CASC3: variants seen among roughly 807,000 people sequenced by gnomAD.
CASC3 encodes the protein protein CASC3.
CASC3 carries 30 observed loss-of-function variants against 80.5 expected under a neutral mutation model. The observed-to-expected ratio is 0.37, with a 90% confidence interval of 0.28 to 0.51. The LOEUF (loss-of-function observed/expected upper bound fraction) is 0.51. CASC3 is among the 20% of genes least tolerant of loss of function. CASC3 has a pLI of 0.94. For missense variants in CASC3, 824 were observed against 922.2 expected, an observed-to-expected ratio of 0.89 and a Z score of 1.38; for synonymous variants, 312 against 333.6, an observed-to-expected ratio of 0.94 and a Z score of 0.70.
intron 3 of CASC3, among the ~76,000 whole-genome samples, chr17:40,144,488 G>A (rs1434002640): frequency 6.6e-6 from 1 of 150,754 alleles, no homozygotes; most frequent in Non-Finnish European, 1.5e-5. Context: ...GGGATTACAG[G>A]TGCACACCAC....
chr17:40,170,812 C>T lies in CASC3; in HGVS notation c.*407C>T, dbSNP rs919651855. The T allele has an allele frequency of 3.0e-6, 3 of 984,916 alleles. No homozygotes were observed. Among genetic ancestry groups the T allele is most frequent in the African/African-American group, 1.7e-5 (1 of 57,320 alleles). 61.0% of individuals were successfully genotyped at this position (984,916 alleles called of 1,614,324 possible). On this transcript the variant is annotated 3_prime_UTR_variant, in exon 14 of 14. Coordinates refer to ENST00000264645, the MANE Select transcript of CASC3 (RefSeq NM_007359.5). ...TAAGATGTTCATTTTTAAAGCCTGG[C>T]TTCTTATCCTTAATATTATTTTAAT... is the stretch of plus-strand genomic sequence containing the variant.
rs1598424670 is a variant in CASC3 at position 40,153,580 on chromosome 17, T to C, written c.298-8173T>C. On this transcript the variant is annotated intron_variant, in intron 3 of 13. Coordinates refer to ENST00000264645, the MANE Select transcript of CASC3 (RefSeq NM_007359.5). Reference sequence around the variant, plus strand: ...ATTTGAGGAACTAGAACCGCCATACTGTTTCCAAGGTGCTGCACCATTTTA... The same window carrying C: ...ATTTGAGGAACTAGAACCGCCATACCGTTTCCAAGGTGCTGCACCATTTTA... Among the ~76,000 whole-genome samples the C allele has an allele frequency of 2.0e-5, 3 of 152,190 alleles. No homozygotes were observed. In the East Asian group the frequency reaches 5.8e-4, roughly 29 times the overall value.
chr17:40,167,757 A>G (rs1989488488), intron 9 of CASC3, 93 bp from the exon 10 acceptor site: 2 of 1,327,138 alleles, frequency 1.5e-6, no homozygotes, highest in Non-Finnish European at 2.2e-6. Context: ...CGCATGGAAT[A>G]TTGAGAACAT....
intron 3 of CASC3, among the ~76,000 whole-genome samples, chr17:40,144,080 A>T (rs1283327060): frequency 6.6e-6 from 1 of 151,378 alleles, no homozygotes; most frequent in East Asian, 2.0e-4. Context: ...GGCGAAACCC[A>T]TTTTCAGTCT....
rs948287641 is a variant in CASC3 at position 40,144,049 on chromosome 17, C to G, written c.297+2442C>G. 5.9e-5 allele frequency among the ~76,000 whole-genome samples: 9 copies of G among 151,706 alleles called. No individual in the cohort carries two copies. In the South Asian group the frequency reaches 1.9e-3, roughly 32 times the overall value. On this transcript the variant is annotated intron_variant, in intron 3 of 13. Coordinates refer to ENST00000264645, the MANE Select transcript of CASC3 (RefSeq NM_007359.5). ...GGTGAATCACCTGCGGTCAGGAGTTCGAGACTAGCCTGGCCAACATGGCGA... is the reference window on the plus strand; with the variant it reads ...GGTGAATCACCTGCGGTCAGGAGTTGGAGACTAGCCTGGCCAACATGGCGA...
chr17:40,152,316 G>A (rs1387373553), intron 3 of CASC3, among the ~76,000 whole-genome samples: 5 of 151,078 alleles, frequency 3.3e-5, no homozygotes, highest in Non-Finnish European at 7.4e-5. Flanking sequence ...TTATTTATTT[G>A]TTTTTATTTT....
In CASC3 at chr17:40,171,213, T is replaced by C; in HGVS notation, c.*808T>C. ...ACTATGATGGGCTTCTGTTCTCTGCTGAGGGCCAATACCCTACTGTGGGGA... is the reference window on the plus strand; with the variant it reads ...ACTATGATGGGCTTCTGTTCTCTGCCGAGGGCCAATACCCTACTGTGGGGA... On this transcript the variant is annotated 3_prime_UTR_variant, in exon 14 of 14. Transcript: ENST00000264645. 6 of 985,986 alleles carry C rather than the reference T, an allele frequency of 6.1e-6. No homozygotes were observed. The highest frequency in any genetic ancestry group is 1.7e-5 in the African/African-American group (1 of 57,356). 61.1% of individuals were successfully genotyped at this position (985,986 alleles called of 1,614,324 possible).
intron 13 of CASC3, among the ~76,000 whole-genome samples, chr17:40,170,137 T>C (rs1228439790): frequency 1.3e-5 from 2 of 151,060 alleles, no homozygotes; most frequent in Non-Finnish European, 3.0e-5. Flanking sequence ...AGTTTGTTTG[T>C]TTGGCAAGTG....
At chr17:40,164,978 T>C (rs1469819172) in intron 7 of CASC3, among the ~76,000 whole-genome samples, 1 of 149,138 alleles carries the variant, frequency 6.7e-6, no homozygotes, top group Non-Finnish European at 1.5e-5. Flanking sequence ...TGGAGTGCAG[T>C]GGTGTGATCT....
At chr17:40,150,812 A>T (rs1490031308) in intron 3 of CASC3, among the ~76,000 whole-genome samples, 2 of 152,178 alleles carry the variant, frequency 1.3e-5, no homozygotes, top group East Asian at 3.9e-4. Context: ...GGAGATCGAG[A>T]TCATCCTGGC....
In CASC3 at chr17:40,170,514, T is replaced by TA. The variant is rs1222957068; in HGVS notation, c.*110dup. On this transcript the variant is annotated 3_prime_UTR_variant, in exon 14 of 14. Coordinates refer to ENST00000264645, the MANE Select transcript of CASC3 (RefSeq NM_007359.5). ...TCTACTACCAGAAGGGCTTCAAAGA[T>TA]ATAGGGTGTGGCTCCTACCAGCAAA... The TA allele has an allele frequency of 1.0e-6, 1 of 985,396 alleles. No individual in the cohort carries two copies. Among genetic ancestry groups the TA allele is most frequent in the African/African-American group, 1.7e-5 (1 of 57,208 alleles). The allele number at this position is 985,396 out of a possible 1,614,324, so 61.0% of individuals were successfully genotyped here. A position where few individuals can be genotyped will look rare whatever the true frequency, so the allele number is the denominator to read the frequency against.
intron 3 of CASC3, among the ~76,000 whole-genome samples, chr17:40,144,338 T>G (rs976433086): frequency 6.6e-6 from 1 of 151,632 alleles, no homozygotes; most frequent in African/African-American, 2.4e-5. Context: ...TTAAAAACTT[T>G]CTTTTTCTTT....
intron 3 of CASC3, among the ~76,000 whole-genome samples, chr17:40,146,701 G>T (rs1988871631): frequency 6.6e-6 from 1 of 151,976 alleles, no homozygotes; most frequent in Admixed American, 6.6e-5. Context: ...GCCTCCCAAA[G>T]TGCTGGGATT....
At chr17:40,152,934 G>C (rs545042755) in intron 3 of CASC3, among the ~76,000 whole-genome samples, 3 of 151,484 alleles carry the variant, frequency 2.0e-5, no homozygotes, top group Non-Finnish European at 4.4e-5. Context: ...CCACCACCAC[G>C]CCCGGCTAAT....
At position 40,164,055 on chromosome 17, in the gene CASC3, C is replaced by T; in HGVS notation, c.1360C>T (p.Pro454Ser). 6.2e-7 allele frequency: 1 copy of T among 1,613,926 alleles called. No homozygotes were observed. Among genetic ancestry groups the T allele is most frequent in the Non-Finnish European group, 8.5e-7 (1 of 1,180,026 alleles). ...PPTKTGTWEA[P>S]VDSSTSGLEQ... is the part of the protein sequence containing the mutation. ...TACTAAGACTGGGACCTGGGAAGCTCCGGTGGATTCTAGTACAAGTGGACT... is the reference window on the plus strand; with the variant it reads ...TACTAAGACTGGGACCTGGGAAGCTTCGGTGGATTCTAGTACAAGTGGACT... Residue 454 changes from proline to serine, a missense_variant, in exon 7 of 14, where the codon CCG becomes TCG. By Grantham distance (74) the Pro-to-Ser change is moderately conservative. Coordinates refer to ENST00000264645, the MANE Select transcript of CASC3 (RefSeq NM_007359.5).
chr17:40,164,289 A>T (rs550165174), intron 7 of CASC3, 123 bp downstream of exon 7: 6 of 873,842 alleles, frequency 6.9e-6, no homozygotes, highest in Non-Finnish European at 1.0e-5. Context: ...TTTGAGACAG[A>T]GTCTCACTCT....
At chr17:40,150,708 T>C (rs949012199) in intron 3 of CASC3, among the ~76,000 whole-genome samples, 2 of 152,020 alleles carry the variant, frequency 1.3e-5, no homozygotes, top group African/African-American at 4.8e-5. Context: ...TAAGAGGCAT[T>C]TTTTTAAAAA....
At chr17:40,156,452 C>T (rs1598425955) in intron 3 of CASC3, among the ~76,000 whole-genome samples, 1 of 151,962 alleles carries the variant, frequency 6.6e-6, no homozygotes, top group Non-Finnish European at 1.5e-5. Context: ...TTTGGGAGGC[C>T]GAGACAGGCG....
In CASC3 at chr17:40,171,903, T is replaced by C; in HGVS notation, c.*1498T>C. On this transcript the variant is annotated 3_prime_UTR_variant, in exon 14 of 14. Coordinates refer to ENST00000264645, the MANE Select transcript of CASC3 (RefSeq NM_007359.5). ...CTGTAACCCCCAAGGAGGAAATAAC[T>C]AAGAGATTCTTCTAGGGGTAGCTGG... is the stretch of plus-strand genomic sequence containing the variant. 2.4e-6 allele frequency: 3 copies of C among 1,240,886 alleles called. No homozygotes were observed. Among genetic ancestry groups the C allele is most frequent in the South Asian group, 2.8e-5 (2 of 72,712 alleles). 76.9% of individuals were successfully genotyped at this position (1,240,886 alleles called of 1,614,324 possible). A position where few individuals can be genotyped will look rare whatever the true frequency, so the allele number is the denominator to read the frequency against.
Sources: allele counts gnomAD v4.1 joint callset (sites outside exome capture counted in the v4.1 genomes callset), GRCh38; gene constraint gnomAD v4.1.1; transcripts MANE v1.5; gene names NCBI Gene and HGNC (gene_info 2026-07-23, HGNC 2026-07-21).